The following HDAC8 variants were observed in gnomAD, a reference collection of about 807,000 sequenced individuals.
HDAC8 encodes the protein histone deacetylase 8, also known as histone deacetylase-like 1.
Under a neutral mutation model 32.2 loss-of-function variants are expected in HDAC8, and 1 was observed. The observed-to-expected ratio is 0.03, with a 90% CI of 0.01 to 0.15. The LOEUF (loss-of-function observed/expected upper bound fraction) is 0.15, where lower values mean the gene tolerates loss of function less well. Ranked by LOEUF, HDAC8 falls within the 10% of genes least tolerant of loss-of-function variation. The probability of loss-of-function intolerance (pLI) is 1.00; values close to 1 mark genes in which losing one functional copy is unlikely to be tolerated. For missense variants in HDAC8, 117 were observed against 300.0 expected (o/e 0.39, Z 4.51); for synonymous variants, 108 against 113.9 (o/e 0.95, Z 0.33).
At chrX:72,531,752 T>C (rs1236945415) in intron 4 of HDAC8, among the ~76,000 whole-genome samples, 2 of 112,438 alleles carry the variant, frequency 1.8e-5, no homozygotes, top group African/African-American at 6.5e-5. Context: ...TTCTTTAACT[T>C]AGCATAATGT....
intron 4 of HDAC8, among the ~76,000 whole-genome samples, chrX:72,546,095 T>C (rs1332455102): frequency 1.2e-4 from 13 of 111,475 alleles, no homozygotes; most frequent in African/African-American, 4.2e-4. Context: ...ACAGCTCTAG[T>C]AGCTTTGATT....
At chrX:72,521,851 T>C in intron 4 of HDAC8, among the ~76,000 whole-genome samples, 1 of 111,127 alleles carries the variant, frequency 9.0e-6, no homozygotes, top group Non-Finnish European at 1.9e-5. Flanking sequence ...CTCAACATAC[T>C]CAACTTCATT....
At chrX:72,468,025 GA>G in intron 7 of HDAC8, 1 of 1,181,083 alleles carries the variant, frequency 8.5e-7, no homozygotes, top group Admixed American at 2.5e-5. Context: ...GATGGGTATT[GA>G]AAAGGTTGAT....
chrX:72,518,696 C>T (rs1009125129), intron 4 of HDAC8, among the ~76,000 whole-genome samples: 9 of 111,626 alleles, frequency 8.1e-5, no homozygotes, highest in Non-Finnish European at 1.1e-4. Context: ...AGAATAGTTT[C>T]GCTGCTCTAG....
intron 7 of HDAC8, chrX:72,467,681 G>GTGCT: frequency 3.6e-6 from 1 of 280,955 alleles, no homozygotes; most frequent in South Asian, 7.2e-5. Flanking sequence ...CTGTGTGTGT[G>GTGCT]TGCTTTGAAG....
intron 7 of HDAC8, among the ~76,000 whole-genome samples, chrX:72,470,566 G>A (rs187217709): frequency 2.8e-4 from 31 of 111,272 alleles, no homozygotes; most frequent in African/African-American, 9.8e-4. Flanking sequence ...GTTAAAAGTC[G>A]CCCATCTATC....
At chrX:72,374,484 C>A (rs1457352697) in intron 9 of HDAC8, among the ~76,000 whole-genome samples, 1 of 110,568 alleles carries the variant, frequency 9.0e-6, no homozygotes, top group Admixed American at 9.5e-5. Flanking sequence ...CCAACCTGGG[C>A]AACATGGTGA....
intron 4 of HDAC8, among the ~76,000 whole-genome samples, chrX:72,536,831 T>C (rs1215179386): frequency 8.9e-6 from 1 of 111,964 alleles, no homozygotes; most frequent in African/African-American, 3.2e-5. Flanking sequence ...AAATCTTTCC[T>C]GAGCTAATAG....
intron 9 of HDAC8, among the ~76,000 whole-genome samples, chrX:72,416,464 T>C (rs1426634006): frequency 1.2e-5 from 1 of 83,160 alleles, no homozygotes; most frequent in Non-Finnish European, 2.4e-5. Context: ...TACTAGAGAT[T>C]TGTAAATTTT....
intron 9 of HDAC8, among the ~76,000 whole-genome samples, chrX:72,428,603 T>C (rs782662753): frequency 3.3e-4 from 37 of 111,692 alleles, no homozygotes; most frequent in African/African-American, 1.2e-3. Context: ...AGAATGAGCA[T>C]AGAGGTAAGA....
At chrX:72,448,745 A>AG (rs1436342867) in intron 9 of HDAC8, among the ~76,000 whole-genome samples, 4 of 112,251 alleles carry the variant, frequency 3.6e-5, no homozygotes, top group Non-Finnish European at 7.5e-5. Context: ...CAAGGAAAAA[A>AG]CAAACATCAA....
intron 9 of HDAC8, among the ~76,000 whole-genome samples, chrX:72,356,642 T>C (rs1332825118): frequency 9.1e-6 from 1 of 110,290 alleles, no homozygotes; most frequent in Non-Finnish European, 1.9e-5. Flanking sequence ...TGTCGTGATC[T>C]CGACTCACTG....
intron 9 of HDAC8, among the ~76,000 whole-genome samples, chrX:72,440,690 TG>T (rs782708468): frequency 9.9e-5 from 11 of 111,289 alleles, no homozygotes; most frequent in Admixed American, 7.6e-4. Context: ...CACAGGACAG[TG>T]GGTGAAGCAC....
At chrX:72,490,192 T>C (rs2048816632) in intron 6 of HDAC8, among the ~76,000 whole-genome samples, 1 of 110,176 alleles carries the variant, frequency 9.1e-6, no homozygotes, top group Non-Finnish European at 1.9e-5. Context: ...GAAGTCAGTG[T>C]GGCGATTCCT....
chrX:72,381,977 C>G (rs1209793053), intron 9 of HDAC8, among the ~76,000 whole-genome samples: 1 of 112,380 alleles, frequency 8.9e-6, no homozygotes, highest in Non-Finnish European at 1.9e-5. Context: ...CACTCAGAAG[C>G]ACACACAAAG....
At chrX:72,388,841 G>A (rs2045532607) in intron 9 of HDAC8, among the ~76,000 whole-genome samples, 1 of 111,705 alleles carries the variant, frequency 9.0e-6, no homozygotes, top group South Asian at 3.7e-4. Context: ...AATGTGGCAG[G>A]AAGGTGGCTG....
chrX:72,420,493 T>C (rs1042996019), intron 9 of HDAC8, among the ~76,000 whole-genome samples: 5 of 112,547 alleles, frequency 4.4e-5, no homozygotes, highest in Admixed American at 9.4e-5. Context: ...TCTTTCTTTT[T>C]TCTTTGTCAG....
chrX:72,336,987 C>T (rs1043623444), intron 10 of HDAC8, among the ~76,000 whole-genome samples: 11 of 111,596 alleles, frequency 9.9e-5, no homozygotes, highest in East Asian at 2.8e-4. Flanking sequence ...TGGACTCAAT[C>T]GATCTGCCCA....
intron 10 of HDAC8, among the ~76,000 whole-genome samples, chrX:72,333,807 TG>T (rs1555941486): frequency 9.0e-6 from 1 of 111,654 alleles, no homozygotes; most frequent in Non-Finnish European, 1.9e-5. Flanking sequence ...CACCTTCGCT[TG>T]TGTTGTTGCC....
Sources: allele counts gnomAD v4.1 joint callset (sites outside exome capture counted in the v4.1 genomes callset), GRCh38; gene constraint gnomAD v4.1.1; transcripts MANE v1.5; gene names NCBI Gene and HGNC (gene_info 2026-07-23, HGNC 2026-07-21).